RERE: variants seen among roughly 807,000 people sequenced by gnomAD.
RERE encodes arginine-glutamic acid dipeptide repeats protein.
Under a neutral mutation model 146.1 loss-of-function variants are expected in RERE, and 40 were observed. The observed-to-expected ratio is 0.27, with a 90% CI of 0.21 to 0.36. The LOEUF (loss-of-function observed/expected upper bound fraction) is 0.36, where lower values mean the gene tolerates loss of function less well. RERE is among the 10% of genes least tolerant of loss of function. RERE has a pLI of 1.00. For missense variants in RERE, 1,933 were observed against 2,138.7 expected (o/e 0.90, Z 1.90); for synonymous variants, 1,003 against 866.0 (o/e 1.16, Z -2.78).
chr1:8,767,832 G>A (rs1341019465), intron 1 of RERE, among the ~76,000 whole-genome samples: 1 of 152,018 alleles, frequency 6.6e-6, no homozygotes. Flanking sequence ...CAGGCATGGT[G>A]GTGCACGCCT....
At chr1:8,363,215 C>T (rs529877311) in intron 15 of RERE, among the ~76,000 whole-genome samples, 5 of 152,346 alleles carry the variant, frequency 3.3e-5, no homozygotes, top group Admixed American at 1.3e-4. Flanking sequence ...CATAACCGTC[C>T]ATTCTCCCAA....
intron 2 of RERE, among the ~76,000 whole-genome samples, chr1:8,636,400 G>A (rs1281859857): frequency 2.0e-5 from 3 of 152,066 alleles, no homozygotes; most frequent in Non-Finnish European, 2.9e-5. Flanking sequence ...TGGGCATGGT[G>A]GCACATGCTT....
rs563674693 is a variant in RERE at position 8,583,249 on chromosome 1, G to A, written c.523-25726C>T. On this transcript the variant is annotated intron_variant, in intron 4 of 22. Transcript: ENST00000400908. ...AATCCCCACACAAAAACAGATTAGAGAGTCAAAGCAAATTCCTGCTGACAC... is the reference window on the plus strand; with the variant it reads ...AATCCCCACACAAAAACAGATTAGAAAGTCAAAGCAAATTCCTGCTGACAC... 6.6e-5 allele frequency among the ~76,000 whole-genome samples: 10 copies of A among 152,298 alleles called. No homozygotes were observed. The South Asian group carries it at 1.5e-3, about 22-fold the overall frequency.
intron 2 of RERE, among the ~76,000 whole-genome samples, chr1:8,644,481 T>C (rs1647236385): frequency 1.3e-5 from 2 of 152,184 alleles, no homozygotes; most frequent in Non-Finnish European, 2.9e-5. Flanking sequence ...TAACAACACA[T>C]TGCCCTTTGT....
At chr1:8,390,389 G>A (rs1280450098) in intron 12 of RERE, among the ~76,000 whole-genome samples, 1 of 152,166 alleles carries the variant, frequency 6.6e-6, no homozygotes, top group Non-Finnish European at 1.5e-5. Context: ...TGGTAGTTTT[G>A]GGAGCTAGCT....
At chr1:8,761,487 T>C (rs889201128) in intron 1 of RERE, among the ~76,000 whole-genome samples, 5 of 152,238 alleles carry the variant, frequency 3.3e-5, no homozygotes, top group African/African-American at 9.6e-5. Flanking sequence ...ACAGGTGTAA[T>C]GCAAATTACC....
chr1:8,624,817 T>C (rs1212958228), intron 2 of RERE, among the ~76,000 whole-genome samples: 2 of 152,226 alleles, frequency 1.3e-5, no homozygotes, highest in Non-Finnish European at 2.9e-5. Flanking sequence ...AATAAATATT[T>C]TGTGAGGAAA....
chr1:8,559,280 C>CA (rs548075266), intron 4 of RERE, among the ~76,000 whole-genome samples: 881 of 12,016 alleles, frequency 0.073, 112 homozygotes, highest in South Asian at 0.1. Context: ...AACTCCAGCT[C>CA]AAAAAAAAAA....
intron 1 of RERE, among the ~76,000 whole-genome samples, chr1:8,775,318 T>C (rs1473135775): frequency 6.6e-6 from 1 of 152,014 alleles, no homozygotes; most frequent in African/African-American, 2.4e-5. Flanking sequence ...ACACCTATAA[T>C]CCCAACACTT....
rs950849317 is a variant in RERE at position 8,817,376 on chromosome 1, C to A, written c.-361G>T. 2 of 151,618 alleles carry A rather than the reference C, an allele frequency of 1.3e-5. No individual in the cohort carries two copies. Among genetic ancestry groups the A allele is most frequent in the African/African-American group, 4.9e-5 (2 of 41,198 alleles). 9.4% of individuals were successfully genotyped at this position (151,618 alleles called of 1,614,324 possible). ...GAACCTAGGCTCCCTCCTCCTCGGT[C>A]GGGCAGATCTTTCAGAAGCAGGAGC... On this transcript the variant is annotated 5_prime_UTR_variant, in exon 1 of 23. Coordinates refer to ENST00000400908, the MANE Select transcript of RERE (RefSeq NM_001042681.2).
intron 2 of RERE, among the ~76,000 whole-genome samples, chr1:8,629,268 G>A (rs1247638966): frequency 6.6e-6 from 1 of 152,170 alleles, no homozygotes; most frequent in Non-Finnish European, 1.5e-5. Context: ...CCTAACCTCT[G>A]TCTGGGAATG....
At chr1:8,623,658 T>G (rs1419600916) in intron 3 of RERE, among the ~76,000 whole-genome samples, 1 of 152,154 alleles carries the variant, frequency 6.6e-6, no homozygotes, top group Non-Finnish European at 1.5e-5. Flanking sequence ...AAGCCTAAAG[T>G]GTGAGAACCA....
At chr1:8,542,749 T>G (rs1002377984) in intron 6 of RERE, among the ~76,000 whole-genome samples, 3 of 152,258 alleles carry the variant, frequency 2.0e-5, no homozygotes, top group Non-Finnish European at 4.4e-5. Flanking sequence ...CAAGTGATCC[T>G]CCTGCCCTGG....
chr1:8,450,312 C>T (rs536227223), intron 11 of RERE, among the ~76,000 whole-genome samples: 4 of 152,054 alleles, frequency 2.6e-5, no homozygotes, highest in East Asian at 3.9e-4. Context: ...TACCAGTTAA[C>T]GATTTAGTGA....
rs1276836496 is a variant in RERE at position 8,423,164 on chromosome 1, C to T, written c.1204-357G>A. The T allele has an allele frequency of 5.2e-6, 1 of 192,810 alleles. No homozygotes were observed. The highest frequency in any genetic ancestry group is 1.3e-4 in the East Asian group (1 of 7,984). The allele number at this position is 192,810 out of a possible 1,614,324, so 11.9% of individuals were successfully genotyped here. A position where few individuals can be genotyped will look rare whatever the true frequency, so the allele number is the denominator to read the frequency against. ...TTTTAATAAAACACAACTGCTTTCC[C>T]ACCTGAGAACCAAGCTTCCCAGAAG... On this transcript the variant is annotated intron_variant, in intron 11 of 22. Transcript: ENST00000400908. This position sits in a 1 kb window ranked among gnomAD's most constrained non-coding sequence, Gnocchi z 5.4.
At chr1:8,363,959 C>A (rs1291646475) in intron 15 of RERE, 97 bp downstream of exon 15, 1 of 1,155,614 alleles carries the variant, frequency 8.7e-7, no homozygotes, top group South Asian at 1.3e-5. Flanking sequence ...GTCTGGTAAA[C>A]AAGACTTTCG....
intron 6 of RERE, among the ~76,000 whole-genome samples, 196 bp from the exon 7 acceptor site, chr1:8,541,514 T>C (rs968670133): frequency 1.3e-5 from 2 of 152,242 alleles, no homozygotes; most frequent in African/African-American, 2.4e-5. Flanking sequence ...TGACTGCTTT[T>C]ATATCACCAT....
intron 1 of RERE, among the ~76,000 whole-genome samples, chr1:8,758,855 CAAAA>C (rs35540947): frequency 5.1e-5 from 7 of 137,504 alleles, no homozygotes; most frequent in African/African-American, 1.9e-4. Flanking sequence ...GTCCTCACCA[CAAAA>C]AAAAAAAATG....
intron 1 of RERE, among the ~76,000 whole-genome samples, chr1:8,783,507 A>C (rs1337186926): frequency 4.6e-5 from 7 of 152,190 alleles, no homozygotes; most frequent in Non-Finnish European, 2.9e-5. Flanking sequence ...CTGTTGTCCC[A>C]GTCTGCTGTC....
Sources: allele counts gnomAD v4.1 joint callset (sites outside exome capture counted in the v4.1 genomes callset), GRCh38; gene constraint gnomAD v4.1.1; non-coding constraint Gnocchi (gnomAD v3.1); transcripts MANE v1.5; gene names NCBI Gene and HGNC (gene_info 2026-07-23, HGNC 2026-07-21).